The following PALMD variants were observed in gnomAD, a reference collection of about 807,000 sequenced individuals.
PALMD encodes the protein paralemmin-like protein.
Under a neutral mutation model 56.2 loss-of-function variants are expected in PALMD, and 42 were observed. The observed-to-expected ratio is 0.75, with a 90% CI of 0.58 to 0.97. The LOEUF is 0.97. Among genes scored for constraint, PALMD ranks in the 50% least tolerant of loss-of-function variants. The pLI is 0.00. For missense variants in PALMD, 660 were observed against 643.8 expected (o/e 1.03, Z -0.27); for synonymous variants, 242 against 222.9 (o/e 1.09, Z -0.76).
intron 1 of PALMD, among the ~76,000 whole-genome samples, chr1:99,660,554 G>A (rs1652825878): frequency 6.6e-6 from 1 of 152,156 alleles, no homozygotes; most frequent in Non-Finnish European, 1.5e-5. Context: ...TTGACTCACA[G>A]AGGCTTTCAG....
chr1:99,652,209 A>T (rs1652601941), intron 1 of PALMD, among the ~76,000 whole-genome samples: 1 of 152,238 alleles, frequency 6.6e-6, no homozygotes. Context: ...CAAATGTCGG[A>T]ACTTGAATCT....
At position 99,689,195 on chromosome 1, in the gene PALMD, A is replaced by T. The variant is rs1458379827; in HGVS notation, c.935A>T (p.Glu312Val). 6.2e-7 allele frequency: 1 copy of T among 1,613,586 alleles called. No homozygotes were observed. Among genetic ancestry groups the T allele is most frequent in the Admixed American group, 1.7e-5 (1 of 59,924 alleles). The change falls in exon 7 of 8, where the codon GAA becomes GTA. Residue 312 changes from glutamate to valine, a missense_variant. Transcript: ENST00000263174. ...IHNMGNGLSE[E>V]RGNNFNHISP... is the part of the protein sequence containing the mutation. Reference sequence around the variant, plus strand: ...AATATGGGCAATGGTCTTTCAGAGGAAAGGGGAAACAACTTCAATCACATC... The same window carrying T: ...AATATGGGCAATGGTCTTTCAGAGGTAAGGGGAAACAACTTCAATCACATC...
intron 2 of PALMD, among the ~76,000 whole-genome samples, chr1:99,665,793 A>C (rs1003156593): frequency 3.9e-5 from 6 of 152,318 alleles, no homozygotes; most frequent in East Asian, 1.9e-4. Context: ...AAAATAAATT[A>C]GAATCAAAGT....
intron 1 of PALMD, among the ~76,000 whole-genome samples, chr1:99,652,679 G>A (rs796686580): frequency 5.5e-5 from 5 of 91,322 alleles, no homozygotes; most frequent in African/African-American, 2.2e-4. Context: ...GGAAAGGAAA[G>A]GAAAGGAAAG....
intron 1 of PALMD, among the ~76,000 whole-genome samples, chr1:99,652,054 A>T (rs372980011): frequency 1.9e-4 from 29 of 152,364 alleles, no homozygotes; most frequent in African/African-American, 6.5e-4. Context: ...CTATTCTTAC[A>T]TAGCATTTAG....
chr1:99,651,771 A>C (rs569995907), intron 1 of PALMD, among the ~76,000 whole-genome samples: 1 of 152,214 alleles, frequency 6.6e-6, no homozygotes, highest in Non-Finnish European at 1.5e-5. Context: ...AAGTTTTTAC[A>C]TAAAATCCCA....
At chr1:99,672,808 T>C (rs1403855496) in intron 3 of PALMD, among the ~76,000 whole-genome samples, 1 of 152,196 alleles carries the variant, frequency 6.6e-6, no homozygotes, top group Admixed American at 6.5e-5. Flanking sequence ...TACACTGCAT[T>C]CCCTTTGGGA....
At chr1:99,653,973 G>GT (rs1352639325) in intron 1 of PALMD, among the ~76,000 whole-genome samples, 15 of 152,088 alleles carry the variant, frequency 9.9e-5, no homozygotes, top group African/African-American at 3.4e-4. Context: ...ACTCTGATGA[G>GT]TATAGAGACC....
intron 1 of PALMD, among the ~76,000 whole-genome samples, chr1:99,657,382 T>C (rs1443777463): frequency 3.3e-5 from 5 of 152,192 alleles, no homozygotes; most frequent in Non-Finnish European, 4.4e-5. Context: ...CATCTGACAC[T>C]TTCCTTTTCC....
intron 3 of PALMD, 138 bp downstream of exon 3, chr1:99,667,904 G>A (rs1021961185): frequency 1.1e-5 from 8 of 752,450 alleles, no homozygotes; most frequent in South Asian, 5.7e-5. Flanking sequence ...TTTAAGGCAC[G>A]CTTTCACACT....
chr1:99,662,641 T>C (rs1302095954), intron 2 of PALMD, among the ~76,000 whole-genome samples: 1 of 152,144 alleles, frequency 6.6e-6, no homozygotes, highest in African/African-American at 2.4e-5. Flanking sequence ...TATAACTGAG[T>C]TTCCCAATTT....
Position 99,688,814 on chromosome 1 carries a change from A to G in PALMD, c.554A>G (p.Lys185Arg), listed in dbSNP as rs750205287. The G allele has an allele frequency of 3.1e-6, 5 of 1,608,832 alleles. No homozygotes were observed. The South Asian group carries it at 5.5e-5, about 18-fold the overall frequency. Residue 185 changes from lysine (K) to arginine (R), a missense_variant, in exon 7 of 8, where the codon AAG (lysine) becomes AGG (arginine). Lys to Arg is a conservative substitution (Grantham distance 26). Transcript: ENST00000263174. The part of the protein sequence containing the change: ...AMEIKVEKDL[K>R]TGESTVLSSI... ...GAAATTAAAGTTGAAAAAGACTTGA[A>G]GACTGGAGAAAGTACAGTTCTGTCT...
chr1:99,688,835 T>A lies in PALMD; in HGVS notation c.575T>A (p.Leu192Gln), dbSNP rs1217343473. ...KDLKTGESTVLSSIPLPSDDF... is the reference protein window; with the variant it reads ...KDLKTGESTVQSSIPLPSDDF... ...TTGAAGACTGGAGAAAGTACAGTTC[T>A]GTCTTCAATACCTCTGCCATCAGAT... The change falls in exon 7 of 8, where the codon CTG becomes CAG. Residue 192 changes from leucine (L) to glutamine (Q), a missense_variant. By Grantham distance (113) the Leu-to-Gln change is moderately radical. Transcript: ENST00000263174. The A allele has an allele frequency of 1.2e-6, 2 of 1,610,898 alleles. No homozygotes were observed. Among genetic ancestry groups the A allele is most frequent in the African/African-American group, 2.7e-5 (2 of 74,810 alleles).
intron 3 of PALMD, 163 bp downstream of exon 3, chr1:99,667,929 A>G: frequency 4.9e-6 from 3 of 612,322 alleles, no homozygotes; most frequent in South Asian, 2.2e-5. Flanking sequence ...CCCAGGCTGG[A>G]GTGCAGTGAC....
rs927464917 is a variant in PALMD, at chr1:99,657,794, A to G, written c.46-4525A>G. On this transcript the variant is annotated intron_variant, in intron 1 of 7. Coordinates refer to ENST00000263174, the MANE Select transcript of PALMD (RefSeq NM_017734.5). ...CTTGCTGTTCTAAGTAATGTCCCACATTTTTTAGAATTTGTTCACATCAAG... is the reference window on the plus strand; with the variant it reads ...CTTGCTGTTCTAAGTAATGTCCCACGTTTTTTAGAATTTGTTCACATCAAG... 2.6e-5 allele frequency among the ~76,000 whole-genome samples: 4 copies of G among 152,062 alleles called. No homozygotes were observed. The East Asian group carries it at 7.7e-4, about 29-fold the overall frequency.
intron 3 of PALMD, among the ~76,000 whole-genome samples, chr1:99,681,139 GTATA>G (rs1375913489): frequency 5.4e-5 from 7 of 129,636 alleles, no homozygotes; most frequent in Admixed American, 8.1e-5. Context: ...GTGTGTGTAT[GTATA>G]TATATATATG....
At chr1:99,682,240 T>A (rs1316415956) in intron 3 of PALMD, among the ~76,000 whole-genome samples, 1 of 152,226 alleles carries the variant, frequency 6.6e-6, no homozygotes, top group African/African-American at 2.4e-5. Flanking sequence ...AGTGGAAATT[T>A]TAGGAAATGT....
intron 3 of PALMD, among the ~76,000 whole-genome samples, chr1:99,681,117 G>A (rs1362944378): frequency 7.2e-6 from 1 of 139,262 alleles, no homozygotes; most frequent in Non-Finnish European, 1.5e-5. Context: ...GTGTGTGTGT[G>A]TGTGTGTGTG....
chr1:99,650,914 C>T (rs1289949402), intron 1 of PALMD, among the ~76,000 whole-genome samples: 2 of 152,174 alleles, frequency 1.3e-5, no homozygotes, highest in Non-Finnish European at 2.9e-5. Context: ...TACCCTAACA[C>T]GTGTTTGGAT....
Sources: gnomAD v4.1 joint callset for allele counts (sites outside exome capture counted in the v4.1 genomes callset) on GRCh38, gnomAD v4.1.1 for gene constraint, MANE v1.5 for transcripts, NCBI Gene and HGNC (gene_info 2026-07-23, HGNC 2026-07-21) for gene names.